The following GATAD2B variants were observed in gnomAD, a reference collection of about 807,000 sequenced individuals.
The protein encoded by GATAD2B is transcriptional repressor p66-beta.
GATAD2B carries 8 observed loss-of-function variants against 64.3 expected under a neutral mutation model. The ratio of observed to expected loss-of-function variants is 0.12; its 90% CI spans 0.07 to 0.22. The LOEUF (loss-of-function observed/expected upper bound fraction) is 0.22. Among genes scored for constraint, GATAD2B ranks in the 10% least tolerant of loss-of-function variants. The pLI, the probability that GATAD2B is intolerant of heterozygous loss-of-function variation, is 1.00. For missense variants in GATAD2B, 453 were observed against 752.0 expected (o/e 0.60, Z 4.65); for synonymous variants, 281 against 271.3 (o/e 1.04, Z -0.35).
chr1:153,901,312 C>A (rs567314663), intron 1 of GATAD2B, among the ~76,000 whole-genome samples: 1 of 152,082 alleles, frequency 6.6e-6, no homozygotes, highest in South Asian at 2.1e-4. Flanking sequence ...GATCATGCCA[C>A]TGCACTTCAG....
rs559361835 is a variant in GATAD2B, at chr1:153,817,332, G to T, written c.900+40C>A. 4.8e-6 allele frequency: 7 copies of T among 1,458,216 alleles called. No homozygotes were observed. The South Asian group carries it at 9.0e-5, about 19-fold the overall frequency. The allele number at this position is 1,458,216 out of a possible 1,614,324, so 90.3% of individuals were successfully genotyped here. On this transcript the variant is annotated intron_variant, in intron 6 of 10. Transcript: ENST00000368655. ...TTTCGACAAGCAAAGCAAACAAAGG[G>T]ATTTCTCTGTTTCCACATTAGGGCT...
chr1:153,854,743 AG>A (rs1676023393), intron 1 of GATAD2B, among the ~76,000 whole-genome samples: 1 of 152,206 alleles, frequency 6.6e-6, no homozygotes, highest in South Asian at 2.1e-4. Flanking sequence ...CATAAGAACT[AG>A]TTCAGTTCAT....
rs537894328 is a variant in GATAD2B at position 153,830,638 on chromosome 1, G to A, written c.-1-2290C>T. On this transcript the variant is annotated intron_variant, in intron 1 of 10. Transcript: ENST00000368655. Reference sequence around the variant, plus strand: ...CTACAGGCGCCCGCCACTACGCCCGGCTAATTTTTTGTATTTTTAGTAGAG... The same window carrying A: ...CTACAGGCGCCCGCCACTACGCCCGACTAATTTTTTGTATTTTTAGTAGAG... Among the ~76,000 whole-genome samples the A allele has an allele frequency of 1.2e-3, 187 of 149,708 alleles. 1 individual carries two copies. The highest frequency in any genetic ancestry group is 4.4e-3 in the African/African-American group (179 of 40,824).
chr1:153,922,849 G>A lies in GATAD2B; in HGVS notation c.-118C>T, dbSNP rs1246144902. On this transcript the variant is annotated 5_prime_UTR_variant, in exon 1 of 11. Coordinates refer to ENST00000368655, the MANE Select transcript of GATAD2B (RefSeq NM_020699.4). ...AGACCCTGCTGACGGGACTAGGGAC[G>A]GGGGTAGGGGAGGGGGGCGGGCCGG... 1 of 150,896 alleles carries A rather than the reference G, an allele frequency of 6.6e-6. No homozygotes were observed. Among genetic ancestry groups the A allele is most frequent in the East Asian group, 2.0e-4 (1 of 5,048 alleles). The allele number at this position is 150,896 out of a possible 1,614,324, so 9.3% of individuals were successfully genotyped here.
chr1:153,836,693 T>C (rs1042734427), intron 1 of GATAD2B, among the ~76,000 whole-genome samples: 8 of 152,204 alleles, frequency 5.3e-5, no homozygotes, highest in South Asian at 4.2e-4. Flanking sequence ...TAAGTACACA[T>C]AGCAAGATAT....
At chr1:153,870,306 C>T (rs892251572) in intron 1 of GATAD2B, among the ~76,000 whole-genome samples, 1 of 152,158 alleles carries the variant, frequency 6.6e-6, no homozygotes, top group African/African-American at 2.4e-5. Context: ...CACAGTGGCT[C>T]ACGCCTGTAA....
At chr1:153,859,688 A>T (rs1171417046) in intron 1 of GATAD2B, among the ~76,000 whole-genome samples, 2 of 151,746 alleles carry the variant, frequency 1.3e-5, no homozygotes, top group Non-Finnish European at 2.9e-5. Flanking sequence ...ATAATAAAAA[A>T]AAAAAAAGAC....
chr1:153,880,022 AAAC>A (rs1676960561), intron 1 of GATAD2B, among the ~76,000 whole-genome samples: 1 of 152,150 alleles, frequency 6.6e-6, no homozygotes. Context: ...ATATCATACT[AAAC>A]AGAAAAGAAG....
intron 1 of GATAD2B, among the ~76,000 whole-genome samples, chr1:153,835,398 A>G (rs1675228174): frequency 6.6e-6 from 1 of 152,042 alleles, no homozygotes; most frequent in African/African-American, 2.4e-5. Context: ...GAGTCAATCC[A>G]TGTGGCAAAC....
chr1:153,861,386 T>C (rs1308489154), intron 1 of GATAD2B, among the ~76,000 whole-genome samples: 1 of 150,912 alleles, frequency 6.6e-6, no homozygotes, highest in African/African-American at 2.4e-5. Flanking sequence ...CCACTGTGCC[T>C]CCCACCCCGG....
At chr1:153,892,246 T>C (rs1284305773) in intron 1 of GATAD2B, among the ~76,000 whole-genome samples, 2 of 147,850 alleles carry the variant, frequency 1.4e-5, no homozygotes, top group Admixed American at 6.8e-5. Context: ...CATAAGTCAC[T>C]CACAAAACTC....
At chr1:153,832,941 G>A (rs1204198292) in intron 1 of GATAD2B, among the ~76,000 whole-genome samples, 1 of 152,188 alleles carries the variant, frequency 6.6e-6, no homozygotes, top group African/African-American at 2.4e-5. Context: ...AGGCTCCAAA[G>A]CTTCAAAAGA....
chr1:153,904,970 G>A (rs987600245), intron 1 of GATAD2B, among the ~76,000 whole-genome samples: 1 of 152,034 alleles, frequency 6.6e-6, no homozygotes, highest in Non-Finnish European at 1.5e-5. Flanking sequence ...GCCTCCCGAA[G>A]TGCTGGGATT....
intron 1 of GATAD2B, among the ~76,000 whole-genome samples, chr1:153,893,955 TAAAAAAAAA>T (rs57287798): frequency 5.8e-5 from 4 of 68,630 alleles, no homozygotes; most frequent in Non-Finnish European, 7.3e-5. Context: ...AGACTCCATC[TAAAAAAAAA>T]AAAAAAAAAA....
chr1:153,877,000 G>A (rs1231187544), intron 1 of GATAD2B, among the ~76,000 whole-genome samples: 3 of 152,140 alleles, frequency 2.0e-5, no homozygotes, highest in African/African-American at 7.2e-5. Context: ...CTGGGTGAAA[G>A]GCGAGACTCC....
At chr1:153,847,901 TTGAC>T (rs1180728767) in intron 1 of GATAD2B, among the ~76,000 whole-genome samples, 1 of 152,208 alleles carries the variant, frequency 6.6e-6, no homozygotes, top group African/African-American at 2.4e-5. Flanking sequence ...ACGAGTTAAT[TTGAC>T]TGATCTGCTC....
chr1:153,912,486 CAGAA>C (rs1408663232), intron 1 of GATAD2B, among the ~76,000 whole-genome samples: 1 of 152,158 alleles, frequency 6.6e-6, no homozygotes, highest in African/African-American at 2.4e-5. Flanking sequence ...CTGTAGTGCA[CAGAA>C]AGAATGTCAT....
intron 1 of GATAD2B, among the ~76,000 whole-genome samples, chr1:153,890,261 G>A (rs1474309055): frequency 1.3e-5 from 2 of 151,514 alleles, no homozygotes; most frequent in Middle Eastern, 3.5e-3. Flanking sequence ...AGGCCGAGGC[G>A]AGTGATCACA....
In GATAD2B at chr1:153,805,938, T is replaced by C. The variant is rs970970303; in HGVS notation, c.*4239A>G. On this transcript the variant is annotated 3_prime_UTR_variant, in exon 11 of 11. Coordinates refer to ENST00000368655, the MANE Select transcript of GATAD2B (RefSeq NM_020699.4). ...TTCACGCAGCCTAAGGCTGTGCAGA[T>C]GGATGTGGCTCTCACTAGGTGAAAT... 2 of 152,190 alleles carry C rather than the reference T, an allele frequency of 1.3e-5. No homozygotes were observed. Among genetic ancestry groups the C allele is most frequent in the African/African-American group, 4.8e-5 (2 of 41,442 alleles). The allele number at this position is 152,190 out of a possible 1,614,324, so 9.4% of individuals were successfully genotyped here. A position where few individuals can be genotyped will look rare whatever the true frequency, so the allele number is the denominator to read the frequency against.
Sources: allele counts gnomAD v4.1 joint callset (sites outside exome capture counted in the v4.1 genomes callset), GRCh38; gene constraint gnomAD v4.1.1; transcripts MANE v1.5; gene names NCBI Gene and HGNC (gene_info 2026-07-23, HGNC 2026-07-21).